LRRN2: variants seen among roughly 807,000 people sequenced by gnomAD.
The protein encoded by LRRN2 is leucine rich repeat neuronal 2.
LRRN2 carries 10 observed loss-of-function variants against 35.7 expected under a neutral mutation model. That is an observed-to-expected ratio of 0.28 (90% confidence interval 0.17 to 0.47). The LOEUF (loss-of-function observed/expected upper bound fraction) is 0.47. LRRN2 is among the 20% of genes least tolerant of loss of function. The probability of loss-of-function intolerance (pLI) is 0.99; values close to 1 mark genes in which losing one functional copy is unlikely to be tolerated. For synonymous variants in LRRN2, 391 were observed against 409.6 expected (o/e 0.95, Z 0.55); for missense variants, 731 against 940.3 (o/e 0.78, Z 2.91).
chr1:204,675,689 T>C (rs1668811160), intron 1 of LRRN2, among the ~76,000 whole-genome samples: 1 of 152,242 alleles, frequency 6.6e-6, no homozygotes, highest in Non-Finnish European at 1.5e-5. Context: ...TCTTTCTCCC[T>C]TGTCATGGAA....
chr1:204,632,883 G>A (rs529342021), intron 1 of LRRN2, among the ~76,000 whole-genome samples: 8 of 150,492 alleles, frequency 5.3e-5, no homozygotes, highest in East Asian at 1.9e-4. Context: ...GCAGTGAGTC[G>A]AGACCACATC....
intron 1 of LRRN2, among the ~76,000 whole-genome samples, chr1:204,666,553 G>A (rs927498865): frequency 6.6e-6 from 1 of 152,170 alleles, no homozygotes; most frequent in Non-Finnish European, 1.5e-5. Flanking sequence ...TGGGTGGATG[G>A]TTAAATAATT....
In LRRN2 at chr1:204,618,835, A is replaced by G. The variant is rs749615067; in HGVS notation, c.1158T>C (p.Arg386=). The change falls in exon 2 of 2, where the codon CGT becomes CGC. Residue 386 remains arginine (R), a synonymous_variant. Transcript: ENST00000367177. ...TGGATTGCGGCTCGATGAAGCGGAC[A>G]CGGGTGCCCGTGGCATTGGCCCAGC... ...VIRWANATGT[R]VRFIEPQSTL... The G allele has an allele frequency of 3.7e-6, 6 of 1,614,090 alleles. No homozygotes were observed. The East Asian group carries it at 1.3e-4, about 36-fold the overall frequency.
chr1:204,642,277 G>T (rs1667995523), intron 1 of LRRN2, among the ~76,000 whole-genome samples: 1 of 152,198 alleles, frequency 6.6e-6, no homozygotes, highest in South Asian at 2.1e-4. Context: ...TCAAAACTCT[G>T]GGCAAACAGC....
At chr1:204,664,768 T>C (rs563601800) in intron 1 of LRRN2, among the ~76,000 whole-genome samples, 1 of 152,130 alleles carries the variant, frequency 6.6e-6, no homozygotes, top group African/African-American at 2.4e-5. Context: ...CGCTACCAAC[T>C]TCCTTCTTGG....
intron 1 of LRRN2, among the ~76,000 whole-genome samples, chr1:204,669,640 G>T (rs1317534676): frequency 6.6e-6 from 1 of 152,240 alleles, no homozygotes; most frequent in East Asian, 1.9e-4. Flanking sequence ...AGATCTGCAG[G>T]ATAGCTAGTA....
At chr1:204,652,281 C>T (rs78182614) in intron 1 of LRRN2, among the ~76,000 whole-genome samples, 32,925 of 135,030 alleles carry the variant, frequency 0.24, 4,944 homozygotes, top group East Asian at 0.41. Context: ...GCCCCCCCGC[C>T]GCCTTCCTCC....
At chr1:204,649,493 G>A (rs1571660663) in intron 1 of LRRN2, among the ~76,000 whole-genome samples, 1 of 152,316 alleles carries the variant, frequency 6.6e-6, no homozygotes, top group Non-Finnish European at 1.5e-5. Context: ...ACATGGACAG[G>A]GTTGCCCGGG....
At position 204,681,519 on chromosome 1, in the gene LRRN2, C is replaced by G. The variant is rs144280610; in HGVS notation, c.-227+3801G>C. Among the ~76,000 whole-genome samples the G allele has an allele frequency of 2.2e-3, 339 of 152,272 alleles. 1 individual carries two copies. Among genetic ancestry groups the G allele is most frequent in the Non-Finnish European group, 4.3e-3 (290 of 68,020 alleles). On this transcript the variant is annotated intron_variant, in intron 1 of 1. Coordinates refer to ENST00000367177, the MANE Select transcript of LRRN2 (RefSeq NM_201630.2). ...AGGTTACGTGACCTGCTCAATGTCA[C>G]CCAGCTAGAAGTGGTGAAGCCTGGA... is the stretch of plus-strand genomic sequence containing the variant.
intron 1 of LRRN2, among the ~76,000 whole-genome samples, chr1:204,622,710 A>G (rs544265892): frequency 2.0e-5 from 3 of 152,142 alleles, no homozygotes; most frequent in Non-Finnish European, 1.5e-5. Flanking sequence ...GTGGAACTGG[A>G]TCTATGGCCA....
intron 1 of LRRN2, among the ~76,000 whole-genome samples, chr1:204,643,846 G>A (rs1438371898): frequency 5.3e-5 from 8 of 152,152 alleles, no homozygotes; most frequent in Non-Finnish European, 1.2e-4. Flanking sequence ...AAAGAACAAA[G>A]CCTTTAGAAT....
chr1:204,628,906 C>T (rs1033972106), intron 1 of LRRN2: 2 of 152,312 alleles, frequency 1.3e-5, no homozygotes, highest in Non-Finnish European at 2.9e-5. Context: ...AGCGCCCCTC[C>T]CAGAAGAGTT....
intron 1 of LRRN2, among the ~76,000 whole-genome samples, chr1:204,632,017 T>G (rs1056957570): frequency 6.6e-6 from 1 of 152,082 alleles, no homozygotes; most frequent in Admixed American, 6.5e-5. Context: ...GTCCAGGAGT[T>G]TGAGACCAGC....
chr1:204,654,569 T>A (rs1307023513), intron 1 of LRRN2, among the ~76,000 whole-genome samples: 1 of 152,186 alleles, frequency 6.6e-6, no homozygotes, highest in Non-Finnish European at 1.5e-5. Flanking sequence ...CATCCCCTGA[T>A]CAAAAACTCT....
At chr1:204,673,686 C>A (rs1668757812) in intron 1 of LRRN2, among the ~76,000 whole-genome samples, 2 of 152,322 alleles carry the variant, frequency 1.3e-5, no homozygotes, top group South Asian at 2.1e-4. Context: ...CACTGCCTTG[C>A]CCTGGGGAAA....
At chr1:204,671,123 G>GA (rs563683946) in intron 1 of LRRN2, among the ~76,000 whole-genome samples, 57 of 152,264 alleles carry the variant, frequency 3.7e-4, no homozygotes, top group African/African-American at 1.4e-3. Context: ...AGGAGGGAAG[G>GA]AGGAGAGGAC....
Position 204,617,340 on chromosome 1 carries a change from A to C in LRRN2, c.*511T>G, listed in dbSNP as rs1666408852. Reference sequence around the variant, plus strand: ...GGAATGCCGAGCCCAGGCTGCTGAGATGAGGCGTTCCTGGGCATCCCTCTC... The same window carrying C: ...GGAATGCCGAGCCCAGGCTGCTGAGCTGAGGCGTTCCTGGGCATCCCTCTC... On this transcript the variant is annotated 3_prime_UTR_variant, in exon 2 of 2. Coordinates refer to ENST00000367177, the MANE Select transcript of LRRN2 (RefSeq NM_201630.2). 1 of 154,484 alleles carries C rather than the reference A, an allele frequency of 6.5e-6. No individual in the cohort carries two copies. 9.6% of individuals were successfully genotyped at this position (154,484 alleles called of 1,614,324 possible). A position where few individuals can be genotyped will look rare whatever the true frequency, so the allele number is the denominator to read the frequency against.
At chr1:204,657,195 C>G (rs1167504720) in intron 1 of LRRN2, among the ~76,000 whole-genome samples, 4 of 152,076 alleles carry the variant, frequency 2.6e-5, no homozygotes, top group Non-Finnish European at 5.9e-5. Flanking sequence ...ATCCCAGCTA[C>G]TTGGGAGGCT....
At chr1:204,675,841 G>A (rs1668813710) in intron 1 of LRRN2, among the ~76,000 whole-genome samples, 1 of 152,242 alleles carries the variant, frequency 6.6e-6, no homozygotes, top group Admixed American at 6.5e-5. Flanking sequence ...GTTGCCATCA[G>A]TTCTGATGCA....
Sources: allele counts gnomAD v4.1 joint callset (sites outside exome capture counted in the v4.1 genomes callset), GRCh38; gene constraint gnomAD v4.1.1; transcripts MANE v1.5; gene names NCBI Gene and HGNC (gene_info 2026-07-23, HGNC 2026-07-21).